The following NELL1 variants were observed in gnomAD, a reference collection of about 807,000 sequenced individuals.
The protein encoded by NELL1 is protein kinase C-binding protein NELL1.
NELL1 carries 76 observed loss-of-function variants against 107.4 expected under a neutral mutation model. The ratio of observed to expected loss-of-function variants is 0.71; its 90% CI spans 0.59 to 0.86. NELL1 has a LOEUF of 0.86. NELL1 is among the 40% of genes least tolerant of loss of function. The pLI, the probability that NELL1 is intolerant of heterozygous loss-of-function variation, is 0.00. For missense variants in NELL1, 1,024 were observed against 1,005.5 expected, an observed-to-expected ratio of 1.02 and a Z score of -0.25; for synonymous variants, 353 against 341.2, an observed-to-expected ratio of 1.03 and a Z score of -0.38.
intron 14 of NELL1, among the ~76,000 whole-genome samples, chr11:21,229,745 C>T (rs560792098): frequency 1.3e-5 from 2 of 152,242 alleles, no homozygotes; most frequent in African/African-American, 2.4e-5. Context: ...GCTTGGATTG[C>T]GGATATTGGC....
chr11:21,386,357 G>A (rs901325372), intron 15 of NELL1, among the ~76,000 whole-genome samples: 1 of 151,786 alleles, frequency 6.6e-6, no homozygotes, highest in African/African-American at 2.4e-5. Context: ...TGCGTATCAT[G>A]TTCTGAATGA....
chr11:21,287,000 T>C (rs745998570), intron 14 of NELL1, among the ~76,000 whole-genome samples: 3 of 152,242 alleles, frequency 2.0e-5, no homozygotes, highest in Non-Finnish European at 2.9e-5. Flanking sequence ...GTAAAACCTG[T>C]GTTGTTGTGC....
chr11:21,317,752 T>A (rs1206587146), intron 14 of NELL1, among the ~76,000 whole-genome samples: 1 of 152,102 alleles, frequency 6.6e-6, no homozygotes, highest in Non-Finnish European at 1.5e-5. Flanking sequence ...TTTTTCTAAA[T>A]GTTTGTGATT....
intron 15 of NELL1, among the ~76,000 whole-genome samples, chr11:21,487,166 A>G (rs1260606479): frequency 6.6e-6 from 1 of 152,210 alleles, no homozygotes; most frequent in African/African-American, 2.4e-5. Context: ...GTGACACATT[A>G]TAGTCAAACT....
chr11:20,838,573 A>G (rs1056382973), intron 3 of NELL1, among the ~76,000 whole-genome samples: 1 of 152,016 alleles, frequency 6.6e-6, no homozygotes, highest in Non-Finnish European at 1.5e-5. Context: ...CTAGTTGCCT[A>G]TGAGGGTTGT....
chr11:21,248,449 G>C (rs1174755656), intron 14 of NELL1, among the ~76,000 whole-genome samples: 1 of 152,164 alleles, frequency 6.6e-6, no homozygotes, highest in Non-Finnish European at 1.5e-5. Flanking sequence ...GGTGGATATA[G>C]GGATGGACTG....
intron 15 of NELL1, among the ~76,000 whole-genome samples, chr11:21,374,915 G>GTGTGTGTGTGTGTA (rs1179680689): frequency 6.6e-6 from 1 of 151,586 alleles, no homozygotes; most frequent in African/African-American, 2.4e-5. Flanking sequence ...GTGTGTGTGT[G>GTGTGTGTGTGTGTA]TGTGTGTGTG....
At chr11:20,856,153 T>C (rs1230999138) in intron 4 of NELL1, among the ~76,000 whole-genome samples, 1 of 152,124 alleles carries the variant, frequency 6.6e-6, no homozygotes, top group East Asian at 1.9e-4. Context: ...GCACGGAAAA[T>C]GTTTCTGTGC....
chr11:21,146,561 C>G (rs890042000), intron 13 of NELL1, among the ~76,000 whole-genome samples: 5 of 152,320 alleles, frequency 3.3e-5, no homozygotes, highest in African/African-American at 1.2e-4. Flanking sequence ...CTACTTCTCT[C>G]TCCTCCTGCC....
At chr11:20,918,320 C>A in intron 6 of NELL1, 66 bp downstream of exon 6, 3 of 1,021,264 alleles carry the variant, frequency 2.9e-6, no homozygotes, top group South Asian at 2.7e-5. Context: ...AGAAACACAT[C>A]TGGAAAGATA....
chr11:20,948,950 C>CTT (rs200827438), intron 11 of NELL1, among the ~76,000 whole-genome samples: 1 of 150,996 alleles, frequency 6.6e-6, no homozygotes, highest in East Asian at 1.9e-4. Context: ...TCATATTTTG[C>CTT]TTTTTTTTTC....
intron 3 of NELL1, among the ~76,000 whole-genome samples, chr11:20,790,866 C>T (rs947933157): frequency 2.0e-5 from 3 of 152,222 alleles, no homozygotes; most frequent in Admixed American, 1.3e-4. Context: ...GCCACGCCTC[C>T]CTGCTGCACC....
intron 14 of NELL1, among the ~76,000 whole-genome samples, chr11:21,261,863 A>T (rs1285679124): frequency 1.3e-5 from 2 of 151,908 alleles, no homozygotes; most frequent in Non-Finnish European, 2.9e-5. Context: ...ACCACTTTCA[A>T]TGCTTTTAAC....
chr11:21,170,673 ATATATATACTGTAGTT>A (rs1856586036), intron 13 of NELL1, among the ~76,000 whole-genome samples: 1 of 142,864 alleles, frequency 7.0e-6, no homozygotes, highest in South Asian at 2.2e-4. Flanking sequence ...ATACTGTATT[ATATATATACTGTAGTT>A]TATATATATA....
intron 13 of NELL1, among the ~76,000 whole-genome samples, chr11:21,198,611 C>T (rs942135952): frequency 6.6e-6 from 1 of 152,184 alleles, no homozygotes; most frequent in Non-Finnish European, 1.5e-5. Flanking sequence ...CCATAGTGTA[C>T]ACATTTTGTT....
At chr11:21,120,546 G>A (rs1004126586) in intron 13 of NELL1, among the ~76,000 whole-genome samples, 5 of 151,998 alleles carry the variant, frequency 3.3e-5, no homozygotes, top group Admixed American at 1.3e-4. Flanking sequence ...CTTGTTTACC[G>A]TAGGCTGTGT....
At chr11:21,186,312 C>A (rs1309746735) in intron 13 of NELL1, among the ~76,000 whole-genome samples, 1 of 151,746 alleles carries the variant, frequency 6.6e-6, no homozygotes, top group Admixed American at 6.6e-5. Context: ...GACCTTGACA[C>A]CTGTTAGAAG....
At chr11:21,167,897 A>G (rs1590699137) in intron 13 of NELL1, among the ~76,000 whole-genome samples, 1 of 151,734 alleles carries the variant, frequency 6.6e-6, no homozygotes, top group East Asian at 1.9e-4. Flanking sequence ...CAGAAAACCA[A>G]ATATGCCTCC....
chr11:20,781,222 A>T (rs1856843661), intron 2 of NELL1, among the ~76,000 whole-genome samples: 1 of 152,118 alleles, frequency 6.6e-6, no homozygotes, highest in South Asian at 2.1e-4. Context: ...GAGAGTGGAG[A>T]AAAGGGAAAA....
Sources: gnomAD v4.1 joint callset for allele counts (sites outside exome capture counted in the v4.1 genomes callset) on GRCh38, gnomAD v4.1.1 for gene constraint, MANE v1.5 for transcripts, NCBI Gene and HGNC (gene_info 2026-07-23, HGNC 2026-07-21) for gene names.